Variants in CERK observed in about 807,000 individuals in gnomAD.
CERK encodes acylsphingosine kinase.
Under a neutral mutation model 63.4 loss-of-function variants are expected in CERK, and 39 were observed. The ratio of observed to expected loss-of-function variants is 0.61; its 90% CI spans 0.48 to 0.80. The LOEUF (loss-of-function observed/expected upper bound fraction) is 0.80. CERK is among the 30% of genes least tolerant of loss of function. The probability of loss-of-function intolerance (pLI) is 0.00; values close to 1 mark genes in which losing one functional copy is unlikely to be tolerated. For synonymous variants in CERK, 302 were observed against 280.0 expected (o/e 1.08, Z -0.78); for missense variants, 670 against 714.1 (o/e 0.94, Z 0.70).
rs763630804 is a variant in CERK, at chr22:46,707,843, C to G, written c.715G>C (p.Gly239Arg). Residue 239 changes from glycine to arginine, a missense_variant and splice_region_variant, in exon 6 of 13, where the codon GGG becomes CGG. Transcript: ENST00000216264. ...SSLRIGIIPA[G>R]STDCVCYSTV... is the part of the protein sequence containing the mutation. ...AGAGAATGCCAGGCCGGCTCCATAC[C>G]TGCGGGAATGATTCCAATCCGGAGG... 1.9e-6 allele frequency: 3 copies of G among 1,605,920 alleles called. No individual in the cohort carries two copies. The highest frequency in any genetic ancestry group is 2.6e-6 in the Non-Finnish European group (3 of 1,174,368).
chr22:46,689,521 C>A (rs1317394987), intron 12 of CERK, among the ~76,000 whole-genome samples: 2 of 152,166 alleles, frequency 1.3e-5, no homozygotes, highest in Non-Finnish European at 2.9e-5. Context: ...CAGGCATGCA[C>A]CATCACACCC....
At chr22:46,726,085 C>T (rs993413715) in intron 1 of CERK, among the ~76,000 whole-genome samples, 1 of 152,248 alleles carries the variant, frequency 6.6e-6, no homozygotes, top group Non-Finnish European at 1.5e-5. Context: ...CCGTGTGTCA[C>T]GGGGCACTGA....
intron 3 of CERK, among the ~76,000 whole-genome samples, chr22:46,712,906 G>A (rs867851911): frequency 6.7e-4 from 98 of 145,920 alleles, no homozygotes; most frequent in Middle Eastern, 7.2e-3. Context: ...GTGCAGTGGT[G>A]TGATCTCAGC....
At chr22:46,687,757 G>A (rs2082710477) in intron 12 of CERK, among the ~76,000 whole-genome samples, 1 of 152,216 alleles carries the variant, frequency 6.6e-6, no homozygotes, top group African/African-American at 2.4e-5. Flanking sequence ...GGGGTCCCTG[G>A]AGGTCCCCTG....
At chr22:46,688,543 G>A (rs1164302894) in intron 12 of CERK, among the ~76,000 whole-genome samples, 1 of 152,208 alleles carries the variant, frequency 6.6e-6, no homozygotes, top group Non-Finnish European at 1.5e-5. Context: ...CGTGGCCCTG[G>A]GCCTGGGGAG....
intron 3 of CERK, among the ~76,000 whole-genome samples, chr22:46,713,441 G>A (rs1307223271): frequency 1.3e-5 from 2 of 150,418 alleles, no homozygotes; most frequent in South Asian, 2.1e-4. Context: ...CCCGGGAGGC[G>A]GAGCTGGCAG....
At chr22:46,704,824 C>CAAAAAAAAAA (rs11431926) in intron 6 of CERK, among the ~76,000 whole-genome samples, 1 of 83,698 alleles carries the variant, frequency 1.2e-5, no homozygotes, top group African/African-American at 4.6e-5. Flanking sequence ...GACTCCATCT[C>CAAAAAAAAAA]AAAAAAAAAA....
At chr22:46,731,848 G>T (rs2082946979) in intron 1 of CERK, among the ~76,000 whole-genome samples, 1 of 152,238 alleles carries the variant, frequency 6.6e-6, no homozygotes, top group Non-Finnish European at 1.5e-5. Context: ...AAACATCAAT[G>T]GGGCACACAG....
At chr22:46,720,379 A>C (rs1454103290) in intron 2 of CERK, among the ~76,000 whole-genome samples, 171 bp from the exon 3 acceptor site, 1 of 152,168 alleles carries the variant, frequency 6.6e-6, no homozygotes, top group Admixed American at 6.5e-5. Flanking sequence ...AAAACATCCG[A>C]TCTTTCAAAC....
At chr22:46,691,817 G>A in intron 10 of CERK, 40 bp from the exon 11 acceptor site, 1 of 1,569,764 alleles carries the variant, frequency 6.4e-7, no homozygotes, top group South Asian at 1.1e-5. Context: ...CAGTTACAAT[G>A]GCGCCGGGCA....
chr22:46,690,959 A>ATGTGTGTGTATATGTATGTATGTG (rs2082727167), intron 11 of CERK, among the ~76,000 whole-genome samples: 1 of 151,614 alleles, frequency 6.6e-6, no homozygotes, highest in Non-Finnish European at 1.5e-5. Context: ...GTATGTATGT[A>ATGTGTGTGTATATGTATGTATGTG]TGTGTGTGTA....
At chr22:46,690,587 A>G (rs984434939) in intron 11 of CERK, among the ~76,000 whole-genome samples, 2 of 152,188 alleles carry the variant, frequency 1.3e-5, no homozygotes, top group African/African-American at 4.8e-5. Flanking sequence ...TTCTCTTTTT[A>G]ACAAGCACTA....
chr22:46,717,261 C>G (rs966855943), intron 3 of CERK, among the ~76,000 whole-genome samples: 1 of 152,202 alleles, frequency 6.6e-6, no homozygotes, highest in Non-Finnish European at 1.5e-5. Flanking sequence ...ACCTACAACC[C>G]AGCGACTCCA....
intron 4 of CERK, among the ~76,000 whole-genome samples, chr22:46,711,651 T>C (rs2082841638): frequency 6.6e-6 from 1 of 152,242 alleles, no homozygotes; most frequent in African/African-American, 2.4e-5. Context: ...TCCAGAATCG[T>C]TGCCCTTTTA....
chr22:46,692,257 C>G (rs1236428045), intron 10 of CERK, among the ~76,000 whole-genome samples: 2 of 142,626 alleles, frequency 1.4e-5, no homozygotes, highest in African/African-American at 5.2e-5. Flanking sequence ...TGAAAACCAT[C>G]TCTACTAAAA....
Position 46,699,467 on chromosome 22 carries a change from T to C in CERK, c.791-2A>G. ...ACACATCCATGGCCAGCGAGTCCCCTGTGGGAGAGAACGGCCGTGAGGGAA... is the reference window on the plus strand; with the variant it reads ...ACACATCCATGGCCAGCGAGTCCCCCGTGGGAGAGAACGGCCGTGAGGGAA... On this transcript the variant is annotated splice_acceptor_variant, in intron 7 of 12. Transcript: ENST00000216264. LOFTEE classifies it high-confidence loss of function. The C allele has an allele frequency of 6.2e-7, 1 of 1,613,998 alleles. No individual in the cohort carries two copies. Among genetic ancestry groups the C allele is most frequent in the Non-Finnish European group, 8.5e-7 (1 of 1,179,934 alleles).
At chr22:46,691,078 CACACACAT>C (rs2082729189) in intron 11 of CERK, among the ~76,000 whole-genome samples, 1 of 151,630 alleles carries the variant, frequency 6.6e-6, no homozygotes, top group Admixed American at 6.6e-5. Flanking sequence ...CACACACACA[CACACACAT>C]ATATTTGAGA....
chr22:46,687,075 T>G lies in CERK; in HGVS notation c.*59A>C. 7.3e-7 allele frequency: 1 copy of G among 1,374,276 alleles called. No individual in the cohort carries two copies. The highest frequency in any genetic ancestry group is 1.0e-6 in the Non-Finnish European group (1 of 963,558). The allele number at this position is 1,374,276 out of a possible 1,614,324, so 85.1% of individuals were successfully genotyped here. On this transcript the variant is annotated 3_prime_UTR_variant, in exon 13 of 13. Coordinates refer to ENST00000216264, the MANE Select transcript of CERK (RefSeq NM_022766.6). ...TGTATATATCAACATAATTGGTCTGTAATAATTATCTTAAATAGTTTTCAC... is the reference window on the plus strand; with the variant it reads ...TGTATATATCAACATAATTGGTCTGGAATAATTATCTTAAATAGTTTTCAC...
chr22:46,689,865 TA>T, intron 12 of CERK, 126 bp downstream of exon 12: 1 of 636,760 alleles, frequency 1.6e-6, no homozygotes, highest in Non-Finnish European at 2.6e-6. Context: ...AGTGCATTTA[TA>T]AAACATTCTT....
Sources: allele counts gnomAD v4.1 joint callset (sites outside exome capture counted in the v4.1 genomes callset), GRCh38; gene constraint gnomAD v4.1.1; transcripts MANE v1.5; gene names NCBI Gene and HGNC (gene_info 2026-07-23, HGNC 2026-07-21).